Variants in ANO4 observed in about 807,000 individuals in gnomAD.
ANO4 encodes anoctamin 4, also known as anoctamin-4.
A neutral mutation model predicts 141.9 loss-of-function variants in ANO4; 69 were observed. The ratio of observed to expected loss-of-function variants is 0.49; its 90% CI spans 0.40 to 0.59. The LOEUF is 0.59. Among genes scored for constraint, ANO4 ranks in the 20% least tolerant of loss-of-function variants. The pLI, the probability that ANO4 is intolerant of heterozygous loss-of-function variation, is 0.00. For missense variants in ANO4, 894 were observed against 1,162.2 expected (o/e 0.77, Z 3.36); for synonymous variants, 350 against 394.3 (o/e 0.89, Z 1.33).
intron 2 of ANO4, among the ~76,000 whole-genome samples, chr12:100,914,813 T>A (rs1416094887): frequency 6.6e-6 from 1 of 152,008 alleles, no homozygotes; most frequent in Non-Finnish European, 1.5e-5. Context: ...CTCCCTCCCT[T>A]CTTTTTTATT....
At chr12:100,871,813 T>C (rs76330338) in intron 1 of ANO4, among the ~76,000 whole-genome samples, 2,647 of 152,214 alleles carry the variant, frequency 0.017, 63 homozygotes, top group African/African-American at 0.06. Context: ...CCATTCTTGG[T>C]TTGGGGTGGG....
chr12:101,031,888 C>A (rs2046990920), intron 9 of ANO4, among the ~76,000 whole-genome samples: 1 of 152,096 alleles, frequency 6.6e-6, no homozygotes, highest in African/African-American at 2.4e-5. Context: ...ATGTGAAAGA[C>A]TTCTTCAAGG....
intron 3 of ANO4, among the ~76,000 whole-genome samples, chr12:100,777,748 G>T (rs1300333939): frequency 6.6e-6 from 1 of 151,778 alleles, no homozygotes; most frequent in Non-Finnish European, 1.5e-5. Context: ...CATTTATAAA[G>T]ACTATTTTAC....
At chr12:100,995,445 C>T (rs1404141373) in intron 8 of ANO4, among the ~76,000 whole-genome samples, 2 of 152,188 alleles carry the variant, frequency 1.3e-5, no homozygotes, top group Admixed American at 1.3e-4. Context: ...TGGGCTTTTA[C>T]AGAGGAATGA....
chr12:101,032,327 G>A (rs1192106065), intron 9 of ANO4, among the ~76,000 whole-genome samples: 1 of 152,200 alleles, frequency 6.6e-6, no homozygotes, highest in Non-Finnish European at 1.5e-5. Context: ...AACAAGCAAT[G>A]GGGAAAGGAT....
chr12:100,817,756 G>T (rs1339400231), intron 1 of ANO4, among the ~76,000 whole-genome samples: 1 of 151,774 alleles, frequency 6.6e-6, no homozygotes, highest in Non-Finnish European at 1.5e-5. Context: ...GGAAAAAGAT[G>T]GTTAAATGAG....
intron 8 of ANO4, among the ~76,000 whole-genome samples, chr12:101,001,119 G>C (rs532848265): frequency 6.6e-6 from 1 of 152,094 alleles, no homozygotes; most frequent in Non-Finnish European, 1.5e-5. Flanking sequence ...TAGTCAAGAG[G>C]CTATTTTCCT....
At chr12:100,922,426 TA>T (rs1191064225) in intron 3 of ANO4, 96 bp downstream of exon 3, 12 of 741,096 alleles carry the variant, frequency 1.6e-5, no homozygotes, top group Non-Finnish European at 2.4e-5. Flanking sequence ...TGTCAAGCTT[TA>T]AAAAATATTA....
intron 14 of ANO4, among the ~76,000 whole-genome samples, chr12:101,049,487 T>A (rs1441662556): frequency 3.5e-5 from 3 of 85,798 alleles, no homozygotes; most frequent in African/African-American, 8.9e-5. Flanking sequence ...GATCTCATAT[T>A]TTTTTTTTTT....
At chr12:100,907,553 C>T (rs2136051020) in intron 2 of ANO4, among the ~76,000 whole-genome samples, 1 of 152,348 alleles carries the variant, frequency 6.6e-6, no homozygotes, top group African/African-American at 2.4e-5. Context: ...TATCTTCCGT[C>T]ACTCCTAACA....
intron 3 of ANO4, among the ~76,000 whole-genome samples, chr12:100,772,430 G>A (rs57234825): frequency 0.27 from 40,632 of 151,742 alleles, 5,900 homozygotes; most frequent in East Asian, 0.52. Flanking sequence ...TCCCCTCACC[G>A]CCAAATCTCT....
At chr12:100,798,900 T>C (rs542998590) in intron 1 of ANO4, among the ~76,000 whole-genome samples, 1 of 152,338 alleles carries the variant, frequency 6.6e-6, no homozygotes, top group South Asian at 2.1e-4. Context: ...TTGGTGTGTG[T>C]GAGCCAGCAG....
In ANO4 at chr12:100,878,031, T is replaced by G. The variant is rs576139154; in HGVS notation, c.-140-23615T>G. Among the ~76,000 whole-genome samples, 34 of 152,320 alleles carry G rather than the reference T, an allele frequency of 2.2e-4. 1 individual carries two copies. The South Asian group carries it at 4.6e-3, about 20-fold the overall frequency. On this transcript the variant is annotated intron_variant, in intron 1 of 27. Transcript: ENST00000392977. ...TACTGTAATTTGTATCTCAACTTTT[T>G]TTTTCCTACTAGCATTATCTAAAAA...
chr12:101,069,383 T>C (rs2048718941), intron 14 of ANO4, among the ~76,000 whole-genome samples: 1 of 152,272 alleles, frequency 6.6e-6, no homozygotes, highest in Non-Finnish European at 1.5e-5. Context: ...AATCTTAACA[T>C]TTAACCATGT....
At chr12:100,975,111 G>A (rs1308501662) in intron 7 of ANO4, among the ~76,000 whole-genome samples, 1 of 151,980 alleles carries the variant, frequency 6.6e-6, no homozygotes, top group Non-Finnish European at 1.5e-5. Context: ...CACTTGGGGG[G>A]ATTGCCATTC....
chr12:100,739,995 C>A, exon 3 of ANO4: 1 of 702,622 alleles, frequency 1.4e-6, no homozygotes, highest in Non-Finnish European at 2.6e-6. Flanking sequence ...CGATCCTTCA[C>A]CCGCAAGACT....
At chr12:100,867,476 C>T (rs1004469379) in intron 1 of ANO4, among the ~76,000 whole-genome samples, 2 of 152,114 alleles carry the variant, frequency 1.3e-5, no homozygotes, top group Non-Finnish European at 2.9e-5. Flanking sequence ...GTTAGTTCTT[C>T]ATTATTCAGT....
At chr12:101,095,092 A>G (rs554453299) in intron 18 of ANO4, among the ~76,000 whole-genome samples, 10 of 152,314 alleles carry the variant, frequency 6.6e-5, no homozygotes, top group African/African-American at 2.4e-4. Context: ...CCCGTCCACA[A>G]CTTGCTTTAA....
chr12:100,982,037 T>C (rs1269548723), intron 7 of ANO4, among the ~76,000 whole-genome samples: 1 of 152,150 alleles, frequency 6.6e-6, no homozygotes, highest in South Asian at 2.1e-4. Context: ...GTACCCGGAA[T>C]CTCACCTATC....
Sources: allele counts gnomAD v4.1 joint callset (sites outside exome capture counted in the v4.1 genomes callset), GRCh38; gene constraint gnomAD v4.1.1; transcripts MANE v1.5; gene names NCBI Gene and HGNC (gene_info 2026-07-23, HGNC 2026-07-21).